The following SECISBP2L variants were observed in gnomAD, a reference collection of about 807,000 sequenced individuals.
SECISBP2L encodes the protein selenocysteine insertion sequence-binding protein 2-like.
SECISBP2L carries 43 observed loss-of-function variants against 114.7 expected under a neutral mutation model. That is an observed-to-expected ratio of 0.38 (90% CI 0.29 to 0.48). SECISBP2L has a LOEUF of 0.48. Ranked by LOEUF, SECISBP2L falls within the 20% of genes least tolerant of loss-of-function variation. SECISBP2L has a pLI of 0.98. For missense variants in SECISBP2L, 1,136 were observed against 1,301.1 expected (o/e 0.87, Z 1.95); for synonymous variants, 451 against 439.7 (o/e 1.03, Z -0.32).
chr15:48,991,985 TG>T lies in SECISBP2L; in HGVS notation c.*258del. 1 of 349,738 alleles carries T rather than the reference TG, an allele frequency of 2.9e-6. No homozygotes were observed. Among genetic ancestry groups the T allele is most frequent in the Middle Eastern group, 7.6e-4 (1 of 1,316 alleles). The allele number at this position is 349,738 out of a possible 1,614,324, so 21.7% of individuals were successfully genotyped here. On this transcript the variant is annotated 3_prime_UTR_variant, in exon 18 of 18. Transcript: ENST00000559471. Reference sequence around the variant, plus strand: ...TTTGAAATTTATTTTCTTTAAGATCTGGTCTTCTTTTTATCACTGTTTTTGA... The same window carrying T: ...TTTGAAATTTATTTTCTTTAAGATCTGTCTTCTTTTTATCACTGTTTTTGA...
rs1901921328 is a variant in SECISBP2L at position 48,989,226 on chromosome 15, TAA to T, written c.*3016_*3017del. 1 of 152,512 alleles carries T rather than the reference TAA, an allele frequency of 6.6e-6. No individual in the cohort carries two copies. Among genetic ancestry groups the T allele is most frequent in the East Asian group, 1.9e-4 (1 of 5,196 alleles). The allele number at this position is 152,512 out of a possible 1,614,324, so 9.4% of individuals were successfully genotyped here. A position where few individuals can be genotyped will look rare whatever the true frequency, so the allele number is the denominator to read the frequency against. On this transcript the variant is annotated 3_prime_UTR_variant, in exon 18 of 18. Coordinates refer to ENST00000559471, the MANE Select transcript of SECISBP2L (RefSeq NM_001193489.2). Reference sequence around the variant, plus strand: ...GTGTTAAGATTGAACAGTTTCATGTTAAAGAGTTGAAAATGAGTGTAGCATTC... The same window carrying T: ...GTGTTAAGATTGAACAGTTTCATGTTAGAGTTGAAAATGAGTGTAGCATTC...
chr15:49,036,888 A>G (rs1903020067), intron 2 of SECISBP2L, among the ~76,000 whole-genome samples: 1 of 152,234 alleles, frequency 6.6e-6, no homozygotes. Flanking sequence ...GCCAGTTAAC[A>G]GCTGCCTCAT....
At chr15:49,033,889 A>G (rs890079767) in intron 3 of SECISBP2L, among the ~76,000 whole-genome samples, 2 of 152,200 alleles carry the variant, frequency 1.3e-5, no homozygotes, top group South Asian at 4.1e-4. Flanking sequence ...TTTTAAAAAT[A>G]TAAGTATTCA....
chr15:49,044,976 T>C (rs1903212399), intron 1 of SECISBP2L, among the ~76,000 whole-genome samples: 1 of 152,184 alleles, frequency 6.6e-6, no homozygotes, highest in Non-Finnish European at 1.5e-5. Context: ...TGTCAGGCTT[T>C]GAAATCTCAG....
rs1208879807 is a variant in SECISBP2L at position 48,992,819 on chromosome 15, G to C, written c.2731C>G (p.Pro911Ala). ...TTACCAATTGGGGGTGTGTCAAATG[G>C]AAGTTTACTGGGTTTTTCAGAAGTG... ...HSTSEKPSKLPFDTPPIGKQP... is the reference protein window; with the variant it reads ...HSTSEKPSKLAFDTPPIGKQP... The change falls in exon 18 of 18, where the codon CCA becomes GCA. Residue 911 changes from proline (P) to alanine (A), a missense_variant. This residue lies in a region of SECISBP2L where 684 missense variants were observed against 848.7 expected (regional missense o/e 0.81). Transcript: ENST00000559471. The C allele has an allele frequency of 6.2e-7, 1 of 1,614,158 alleles. No individual in the cohort carries two copies. Among genetic ancestry groups the C allele is most frequent in the Admixed American group, 1.7e-5 (1 of 60,018 alleles).
chr15:49,030,904 T>C (rs1391696782), intron 4 of SECISBP2L, among the ~76,000 whole-genome samples: 1 of 152,162 alleles, frequency 6.6e-6, no homozygotes, highest in African/African-American at 2.4e-5. Flanking sequence ...AAAGTTCTTT[T>C]CCAGGGATGT....
At chr15:49,044,856 G>C (rs1179819380) in intron 1 of SECISBP2L, among the ~76,000 whole-genome samples, 1 of 152,090 alleles carries the variant, frequency 6.6e-6, no homozygotes, top group Non-Finnish European at 1.5e-5. Context: ...TATACATAAG[G>C]TAGCATTACT....
At chr15:49,007,183 G>A (rs553607708) in intron 14 of SECISBP2L, among the ~76,000 whole-genome samples, 6 of 152,254 alleles carry the variant, frequency 3.9e-5, no homozygotes, top group African/African-American at 1.2e-4. Flanking sequence ...ATCCCAGAGG[G>A]GTACCCACCA....
chr15:49,036,882 G>A (rs1903019996), intron 2 of SECISBP2L, among the ~76,000 whole-genome samples: 1 of 152,166 alleles, frequency 6.6e-6, no homozygotes, highest in Non-Finnish European at 1.5e-5. Context: ...CCTATAGCCA[G>A]TTAACAGCTG....
At chr15:49,022,701 A>G (rs1274914707) in intron 7 of SECISBP2L, among the ~76,000 whole-genome samples, 1 of 152,228 alleles carries the variant, frequency 6.6e-6, no homozygotes, top group Non-Finnish European at 1.5e-5. Context: ...GATTAATTTA[A>G]ACACCAATGG....
At position 49,004,614 on chromosome 15, in the gene SECISBP2L, A is replaced by G. The variant is rs529227560; in HGVS notation, c.2028-3517T>C. 4.9e-4 allele frequency among the ~76,000 whole-genome samples: 74 copies of G among 152,312 alleles called. 1 individual carries two copies. The highest frequency in any genetic ancestry group is 4.7e-3 in the Admixed American group (72 of 15,298). On this transcript the variant is annotated intron_variant, in intron 14 of 17. Coordinates refer to ENST00000559471, the MANE Select transcript of SECISBP2L (RefSeq NM_001193489.2). Reference sequence around the variant, plus strand: ...AAACACTGCTTTAGCTGTGTCCCAGAGATTCTAGTACGTTGTGTCTTTGTT... The same window carrying G: ...AAACACTGCTTTAGCTGTGTCCCAGGGATTCTAGTACGTTGTGTCTTTGTT...
chr15:48,992,276 A>G lies in SECISBP2L; in HGVS notation c.3274T>C (p.Ser1092Pro), dbSNP rs889493080. Residue 1092 changes from serine to proline, a missense_variant, in exon 18 of 18, where the codon TCT becomes CCT. This residue lies in a region of SECISBP2L where 684 missense variants were observed against 848.7 expected (regional missense o/e 0.81). Coordinates refer to ENST00000559471, the MANE Select transcript of SECISBP2L (RefSeq NM_001193489.2). ...GTTTGCGTTGTGTAATTAGAATCAG[A>G]GTGCTCTTTGTTGAGCGAGCTGCAG... is the stretch of plus-strand genomic sequence containing the variant. ...SNCSSLNKEH[S>P]DSNYTTQTT 9.3e-6 allele frequency: 15 copies of G among 1,610,506 alleles called. No individual in the cohort carries two copies. The highest frequency in any genetic ancestry group is 2.5e-6 in the Non-Finnish European group (3 of 1,178,604).
intron 7 of SECISBP2L, among the ~76,000 whole-genome samples, chr15:49,025,557 T>C (rs1445817786): frequency 6.6e-6 from 1 of 152,122 alleles, no homozygotes; most frequent in Admixed American, 6.6e-5. Context: ...ACTAAAAAAG[T>C]TTCATATTTT....
intron 13 of SECISBP2L, among the ~76,000 whole-genome samples, chr15:49,009,902 CAGA>C (rs979581884): frequency 1.3e-5 from 2 of 152,130 alleles, no homozygotes; most frequent in African/African-American, 4.8e-5. Context: ...GAGGCCAAGG[CAGA>C]AGATTACTTG....
chr15:49,027,432 G>C lies in SECISBP2L; in HGVS notation c.968C>G (p.Pro323Arg), dbSNP rs756735950. ...NVTCQATQKKPWMEKNQTFSR... is the reference protein window; with the variant it reads ...NVTCQATQKKRWMEKNQTFSR... ...AAATGTCTGATTTTTTTCCATCCAA[G>C]GTTTTTTCTGAGTTGCCTGGCAAGT... Residue 323 changes from proline to arginine, a missense_variant, in exon 7 of 18, where the codon CCT (proline) becomes CGT (arginine). Transcript: ENST00000559471. 1.2e-6 allele frequency: 2 copies of C among 1,608,688 alleles called. No individual in the cohort carries two copies. Among genetic ancestry groups the C allele is most frequent in the East Asian group, 4.5e-5 (2 of 44,742 alleles).
chr15:48,991,222 G>GT lies in SECISBP2L; in HGVS notation c.*1021dup, dbSNP rs1456186514. ...AGTTCCTTTCCTTGACCTCCTGACA[G>GT]TAACTATGGTCATTGCTATGTGGAA... On this transcript the variant is annotated 3_prime_UTR_variant, in exon 18 of 18. Transcript: ENST00000559471. 1 of 152,190 alleles carries GT rather than the reference G, an allele frequency of 6.6e-6. No individual in the cohort carries two copies. Among genetic ancestry groups the GT allele is most frequent in the Non-Finnish European group, 1.5e-5 (1 of 68,036 alleles). The allele number at this position is 152,190 out of a possible 1,614,324, so 9.4% of individuals were successfully genotyped here. A position where few individuals can be genotyped will look rare whatever the true frequency, so the allele number is the denominator to read the frequency against.
intron 7 of SECISBP2L, among the ~76,000 whole-genome samples, chr15:49,021,814 G>T (rs539164232): frequency 1.5e-4 from 23 of 152,246 alleles, no homozygotes; most frequent in Non-Finnish European, 2.8e-4. Flanking sequence ...AGCCAAATGT[G>T]CAAGTACTCC....
At chr15:48,994,827 A>AT (rs1902053601) in intron 17 of SECISBP2L, among the ~76,000 whole-genome samples, 1 of 127,798 alleles carries the variant, frequency 7.8e-6, no homozygotes, top group South Asian at 2.8e-4. Flanking sequence ...TGACTGGTAT[A>AT]TAGTAAGTGC....
chr15:48,992,545 T>C lies in SECISBP2L; in HGVS notation c.3005A>G (p.Tyr1002Cys), dbSNP rs1419751801. Residue 1002 changes from tyrosine to cysteine, a missense_variant, in exon 18 of 18, where the codon TAT becomes TGT. Physicochemically the swap from Tyr to Cys is radical, Grantham distance 194. Transcript: ENST00000559471. ...TTCTACAGATATGGGTTCATGAGTATAATCTTCCTCCTCCTCCTCATCTTC... is the reference window on the plus strand; with the variant it reads ...TTCTACAGATATGGGTTCATGAGTACAATCTTCCTCCTCCTCCTCATCTTC... The part of the protein sequence containing the change: ...EDEDEEEEED[Y>C]THEPISVEVQ... The C allele has an allele frequency of 6.2e-7, 1 of 1,614,198 alleles. No individual in the cohort carries two copies. The highest frequency in any genetic ancestry group is 1.1e-5 in the South Asian group (1 of 91,086).
Sources: gnomAD v4.1 joint callset for allele counts (sites outside exome capture counted in the v4.1 genomes callset) on GRCh38, gnomAD v4.1.1 for gene constraint, gnomAD v4.1.1 regional missense constraint, MANE v1.5 for transcripts, NCBI Gene and HGNC (gene_info 2026-07-23, HGNC 2026-07-21) for gene names.